Variants in MS4A10 observed in about 807,000 individuals in gnomAD.
MS4A10 encodes the protein membrane-spanning 4-domains subfamily A member 10.
Under a neutral mutation model 27.7 loss-of-function variants are expected in MS4A10, and 27 were observed. The observed-to-expected ratio is 0.98, with a 90% CI of 0.72 to 1.35. The LOEUF is 1.35. MS4A10 is among the 40% of genes most tolerant of loss of function. The pLI is 0.00. For missense variants in MS4A10, 338 were observed against 324.7 expected (o/e 1.04, Z -0.32); for synonymous variants, 139 against 131.2 (o/e 1.06, Z -0.41).
At chr11:60,791,918 G>A (rs1425950542) in intron 3 of MS4A10, among the ~76,000 whole-genome samples, 2 of 152,202 alleles carry the variant, frequency 1.3e-5, no homozygotes, top group African/African-American at 2.4e-5. Flanking sequence ...AGAAACAGTC[G>A]GGGTGGAGGG....
rs371225388 is a variant in MS4A10 at position 60,789,733 on chromosome 11, TAGA to T, written c.-22-578_-22-576del. ...TGAGGACAAAATCAGGTAATGCACGTAGAAGGTTTATCTCAGTGCCTGGAGCAG... is the reference window on the plus strand; with the variant it reads ...TGAGGACAAAATCAGGTAATGCACGTAGGTTTATCTCAGTGCCTGGAGCAG... On this transcript the variant is annotated intron_variant, in intron 1 of 7. Transcript: ENST00000308287. Among the ~76,000 whole-genome samples, 244 of 152,340 alleles carry T rather than the reference TAGA, an allele frequency of 1.6e-3. 2 individuals are homozygous for T. The highest frequency in any genetic ancestry group is 6.8e-3 in the Middle Eastern group (2 of 294).
intron 7 of MS4A10, 59 bp downstream of exon 7, chr11:60,798,573 C>T: frequency 1.5e-6 from 2 of 1,325,826 alleles, no homozygotes; most frequent in Non-Finnish European, 2.2e-6. Context: ...GCCCCTTCTC[C>T]CTGGCATAGA....
rs1854608568 is a variant in MS4A10 at position 60,800,132 on chromosome 11, T to C, written c.*223T>C. On this transcript the variant is annotated 3_prime_UTR_variant, in exon 8 of 8. Coordinates refer to ENST00000308287, the MANE Select transcript of MS4A10 (RefSeq NM_206893.4). ...ATCTGTGGTGGCCCAGATTGTTTTG[T>C]TTTGTTTCGCTTTGTTTTGTTTTCT... The C allele has an allele frequency of 3.3e-6, 2 of 615,226 alleles. No homozygotes were observed. The highest frequency in any genetic ancestry group is 1.8e-5 in the African/African-American group (1 of 54,496). The allele number at this position is 615,226 out of a possible 1,614,324, so 38.1% of individuals were successfully genotyped here.
intron 3 of MS4A10, 75 bp downstream of exon 3, chr11:60,791,168 A>G (rs1801718155): frequency 1.6e-5 from 26 of 1,586,288 alleles, no homozygotes; most frequent in Non-Finnish European, 2.1e-5. Context: ...CATTTGGGAC[A>G]GGATGCAGGG....
At chr11:60,789,635 C>T (rs1854393060) in intron 1 of MS4A10, among the ~76,000 whole-genome samples, 1 of 152,186 alleles carries the variant, frequency 6.6e-6, no homozygotes, top group East Asian at 1.9e-4. Context: ...TGACCATGGG[C>T]AAGTGGCTTA....
At chr11:60,791,165 G>T in intron 3 of MS4A10, 72 bp downstream of exon 3, 1 of 1,590,364 alleles carries the variant, frequency 6.3e-7, no homozygotes, top group Non-Finnish European at 8.5e-7. Flanking sequence ...TGGCATTTGG[G>T]ACAGGATGCA....
chr11:60,793,595 G>A (rs944954163), intron 4 of MS4A10, among the ~76,000 whole-genome samples: 7 of 152,172 alleles, frequency 4.6e-5, no homozygotes, highest in Admixed American at 2.0e-4. Flanking sequence ...CTGGATGAGG[G>A]GTCACCTGGG....
chr11:60,789,624 G>A (rs1441390497), intron 1 of MS4A10, among the ~76,000 whole-genome samples: 2 of 152,234 alleles, frequency 1.3e-5, no homozygotes, highest in Admixed American at 6.5e-5. Context: ...TACTGGTTGT[G>A]TGACCATGGG....
intron 1 of MS4A10, among the ~76,000 whole-genome samples, chr11:60,787,129 G>A (rs752359924): frequency 2.6e-5 from 4 of 152,140 alleles, no homozygotes; most frequent in Non-Finnish European, 4.4e-5. Flanking sequence ...CCGTGGCCCT[G>A]TGCAGAGCGC....
chr11:60,790,420 CAG>C lies in MS4A10; in HGVS notation c.87_88del (p.Gln29HisfsTer29). 1 of 1,614,188 alleles carries C rather than the reference CAG, an allele frequency of 6.2e-7. No individual in the cohort carries two copies. Among genetic ancestry groups the C allele is most frequent in the Non-Finnish European group, 8.5e-7 (1 of 1,180,028 alleles). On this transcript the variant is annotated frameshift_variant, in exon 2 of 8. Coordinates refer to ENST00000308287, the MANE Select transcript of MS4A10 (RefSeq NM_206893.4). LOFTEE classifies it high-confidence loss of function. ...WQVLSPVQPWQTSAPQNTTQP... is the reference protein window; with the variant it reads ...WQVLSPVQPWXTSAPQNTTQP... ...AGTCCTCAGCCCAGTCCAGCCCTGG[CAG>C]ACAAGTGCACCCCAGAACACGACCC... is the stretch of plus-strand genomic sequence containing the variant.
At position 60,790,984 on chromosome 11, in the gene MS4A10, T is replaced by A. The variant is rs1363151483; in HGVS notation, c.194T>A (p.Ile65Asn). 2 of 1,614,148 alleles carry A rather than the reference T, an allele frequency of 1.2e-6. No homozygotes were observed. Among genetic ancestry groups the A allele is most frequent in the Admixed American group, 1.7e-5 (1 of 60,018 alleles). Reference protein sequence around the residue: ...SLLKELGAFHITIALLHLVFG... With the variant: ...SLLKELGAFHNTIALLHLVFG... ...CTCTTCCCCACCCAGGCCTTCCACA[T>A]CACCATCGCTCTGCTGCACCTGGTC... The change falls in exon 3 of 8, where the codon ATC becomes AAC. Residue 65 changes from isoleucine (I) to asparagine (N), a missense_variant. Ile to Asn is a moderately radical substitution (Grantham distance 149). Coordinates refer to ENST00000308287, the MANE Select transcript of MS4A10 (RefSeq NM_206893.4).
At position 60,790,382 on chromosome 11, in the gene MS4A10, T is replaced by C; in HGVS notation, c.47T>C (p.Leu16Pro). Residue 16 changes from leucine to proline, a missense_variant, in exon 2 of 8, where the codon CTC becomes CCC. Physicochemically the swap from Leu to Pro is moderately conservative, Grantham distance 98 (BLOSUM62 -3). Transcript: ENST00000308287. ...TVIPSRCARG[L>P]PSWQVLSPVQ... ...ATTCCCAGCCGTTGTGCTAGGGGGC[T>C]CCCATCATGGCAAGTCCTCAGCCCA... The C allele has an allele frequency of 6.2e-7, 1 of 1,614,026 alleles. No homozygotes were observed. Among genetic ancestry groups the C allele is most frequent in the Non-Finnish European group, 8.5e-7 (1 of 1,179,996 alleles).
In MS4A10 at chr11:60,800,004, C is replaced by T; in HGVS notation, c.*95C>T. ...ACTGGGAAGATGAGATTTGCACATA[C>T]AAAAGGCTAGAGCGATGGTCTATAC... On this transcript the variant is annotated 3_prime_UTR_variant, in exon 8 of 8. Transcript: ENST00000308287. 6.3e-7 allele frequency: 1 copy of T among 1,597,080 alleles called. No homozygotes were observed. The highest frequency in any genetic ancestry group is 1.7e-5 in the Admixed American group (1 of 59,540).
intron 4 of MS4A10, among the ~76,000 whole-genome samples, chr11:60,792,998 G>A (rs1854456451): frequency 6.6e-6 from 1 of 152,244 alleles, no homozygotes; most frequent in South Asian, 2.1e-4. Flanking sequence ...AGTAGGCACA[G>A]AGTAGACACC....
At position 60,786,197 on chromosome 11, in the gene MS4A10, A is replaced by G. The variant is rs200273323; in HGVS notation, c.-23+776A>G. On this transcript the variant is annotated intron_variant, in intron 1 of 7. Coordinates refer to ENST00000308287, the MANE Select transcript of MS4A10 (RefSeq NM_206893.4). ...TGCACACACACACACACGCACACAC[A>G]CACACACACACACACCCTGAGAAGC... is the stretch of plus-strand genomic sequence containing the variant. Among the ~76,000 whole-genome samples, 289 of 146,426 alleles carry G rather than the reference A, an allele frequency of 2.0e-3. 4 individuals carry two copies. The East Asian group carries it at 0.043, about 22-fold the overall frequency.
intron 1 of MS4A10, among the ~76,000 whole-genome samples, chr11:60,789,732 G>T (rs558896679): frequency 6.6e-6 from 1 of 152,192 alleles, no homozygotes; most frequent in African/African-American, 2.4e-5. Context: ...GGTAATGCAC[G>T]TAGAAGGTTT....
chr11:60,790,830 G>A, intron 2 of MS4A10, 144 bp from the exon 3 acceptor site: 1 of 1,220,474 alleles, frequency 8.2e-7, no homozygotes, highest in Non-Finnish European at 1.1e-6. Flanking sequence ...CCTGGGGAGT[G>A]GTCCTTCTTA....
In MS4A10 at chr11:60,790,486, CAGA is replaced by C. The variant is rs746112563; in HGVS notation, c.158_160del (p.Lys53del). On this transcript the variant is annotated inframe_deletion, in exon 2 of 8. Coordinates refer to ENST00000308287, the MANE Select transcript of MS4A10 (RefSeq NM_206893.4). ...GGCTCCACACCAGCACGAGAAGTCCCAGAAGAAGAGCAGCCTTCTTAAGGAGCT... is the reference window on the plus strand; with the variant it reads ...GGCTCCACACCAGCACGAGAAGTCCCAGAAGAGCAGCCTTCTTAAGGAGCT... 2.5e-6 allele frequency: 4 copies of C among 1,614,052 alleles called. No homozygotes were observed. The highest frequency in any genetic ancestry group is 2.5e-6 in the Non-Finnish European group (3 of 1,180,040).
chr11:60,796,898 T>G (rs1248510779), intron 6 of MS4A10, among the ~76,000 whole-genome samples: 1 of 152,140 alleles, frequency 6.6e-6, no homozygotes, highest in African/African-American at 2.4e-5. Context: ...AAGGCTCATT[T>G]CTTTAAAGAA....
Sources: gnomAD v4.1 joint callset for allele counts (sites outside exome capture counted in the v4.1 genomes callset) on GRCh38, gnomAD v4.1.1 for gene constraint, MANE v1.5 for transcripts, NCBI Gene and HGNC (gene_info 2026-07-23, HGNC 2026-07-21) for gene names.